The following ADGRL3 variants were observed in gnomAD, a reference collection of about 807,000 sequenced individuals.
ADGRL3 encodes adhesion G protein-coupled receptor L3, also known as calcium-independent alpha-latrotoxin receptor 3.
In ADGRL3, 62 loss-of-function variants were observed where a neutral mutation model predicts 153.5. The ratio of observed to expected loss-of-function variants is 0.40; its 90% CI spans 0.33 to 0.50. The LOEUF (loss-of-function observed/expected upper bound fraction) is 0.50, where lower values mean the gene tolerates loss of function less well. Ranked by LOEUF, ADGRL3 falls within the 20% of genes least tolerant of loss-of-function variation. The probability of loss-of-function intolerance (pLI) is 0.47; values close to 1 mark genes in which losing one functional copy is unlikely to be tolerated. For missense variants in ADGRL3, 1,641 were observed against 1,859.4 expected, an observed-to-expected ratio of 0.88 and a Z score of 2.16; for synonymous variants, 710 against 672.5, an observed-to-expected ratio of 1.06 and a Z score of -0.86.
At chr4:61,291,497 G>C (rs1041737485) in intron 1 of ADGRL3, among the ~76,000 whole-genome samples, 2 of 150,418 alleles carry the variant, frequency 1.3e-5, no homozygotes, top group African/African-American at 2.5e-5. Flanking sequence ...GTGAATTCTG[G>C]TATCCTGGAG....
chr4:62,070,233 C>A lies in ADGRL3; in HGVS notation c.3957C>A (p.Asp1319Glu). 6.2e-7 allele frequency: 1 copy of A among 1,613,654 alleles called. No homozygotes were observed. Among genetic ancestry groups the A allele is most frequent in the Non-Finnish European group, 8.5e-7 (1 of 1,179,854 alleles). ...EYLSNCVQII[D>E]RGYNHNETAL... is the part of the protein sequence containing the mutation. ...TGAGCAACTGTGTGCAAATCATAGA[C>A]CGTGGCTATAACCATAACGAGACCG... The change falls in exon 27 of 27, where the codon GAC (aspartate) becomes GAA (glutamate). Residue 1319 changes from aspartate to glutamate, a missense_variant. By Grantham distance (45) the Asp-to-Glu change is conservative. This residue lies in a region of ADGRL3 where 517 missense variants were observed against 555.0 expected (regional missense o/e 0.93). Coordinates refer to ENST00000683033, the MANE Select transcript of ADGRL3 (RefSeq NM_001387552.1).
At chr4:61,844,575 AATATAT>A (rs57750929) in intron 9 of ADGRL3, among the ~76,000 whole-genome samples, 300 of 18,050 alleles carry the variant, frequency 0.017, 2 homozygotes, top group African/African-American at 0.025. Context: ...AAAAAAAAAA[AATATAT>A]ATATATATAT....
In ADGRL3 at chr4:61,705,252, A is replaced by G. The variant is rs150287162; in HGVS notation, c.584-25370A>G. 5.8e-3 allele frequency among the ~76,000 whole-genome samples: 888 copies of G among 152,190 alleles called. 6 individuals carry two copies. The highest frequency in any genetic ancestry group is 0.02 in the African/African-American group (847 of 41,532). On this transcript the variant is annotated intron_variant, in intron 6 of 26. Transcript: ENST00000683033. ...CATTGAAATTACTCTTTGGTCCATG[A>G]GCTACAGAATGAATATTGTGTTAGC...
chr4:61,885,341 T>C (rs574397775), intron 9 of ADGRL3, among the ~76,000 whole-genome samples: 60 of 152,100 alleles, frequency 3.9e-4, no homozygotes, highest in Middle Eastern at 6.8e-3. Flanking sequence ...AAAATAAAAA[T>C]AAATAAATAA....
At chr4:62,038,766 G>A (rs972161316) in intron 24 of ADGRL3, among the ~76,000 whole-genome samples, 32 of 152,032 alleles carry the variant, frequency 2.1e-4, no homozygotes, top group Admixed American at 9.2e-4. Flanking sequence ...GTGCCACCAC[G>A]CCCAGATAAT....
At chr4:61,554,280 A>G (rs1198257294) in intron 4 of ADGRL3, among the ~76,000 whole-genome samples, 1 of 151,194 alleles carries the variant, frequency 6.6e-6, no homozygotes, top group Non-Finnish European at 1.5e-5. Context: ...TGCAACCTCC[A>G]CCTCCCAGGT....
At chr4:61,550,677 C>T (rs2148803014) in intron 4 of ADGRL3, among the ~76,000 whole-genome samples, 1 of 151,780 alleles carries the variant, frequency 6.6e-6, no homozygotes, top group South Asian at 2.1e-4. Context: ...TATCAGAATA[C>T]TTTGGTGTGG....
intron 2 of ADGRL3, among the ~76,000 whole-genome samples, chr4:61,489,556 A>G (rs1304037602): frequency 2.0e-5 from 3 of 152,046 alleles, no homozygotes; most frequent in Non-Finnish European, 4.4e-5. Flanking sequence ...AAAGTGCTGT[A>G]ATTATCTGGA....
chr4:61,754,306 A>G (rs2096793607), intron 8 of ADGRL3, among the ~76,000 whole-genome samples: 1 of 152,184 alleles, frequency 6.6e-6, no homozygotes, highest in Admixed American at 6.5e-5. Context: ...AATAAGAATA[A>G]TCAACAATAG....
intron 1 of ADGRL3, among the ~76,000 whole-genome samples, chr4:61,337,542 G>A (rs1019086771): frequency 6.6e-6 from 1 of 152,062 alleles, no homozygotes; most frequent in Non-Finnish European, 1.5e-5. Context: ...AAGATCAAGG[G>A]ACTACCTTCC....
intron 4 of ADGRL3, among the ~76,000 whole-genome samples, chr4:61,571,990 A>T (rs1364672177): frequency 2.0e-5 from 3 of 152,212 alleles, no homozygotes; most frequent in Non-Finnish European, 4.4e-5. Context: ...TTGAGCAGAT[A>T]GATAAATAAA....
chr4:61,811,788 G>T (rs933155822), intron 8 of ADGRL3, among the ~76,000 whole-genome samples: 3 of 152,032 alleles, frequency 2.0e-5, no homozygotes, highest in Non-Finnish European at 4.4e-5. Flanking sequence ...GTATTAAAAT[G>T]CACATGTATT....
intron 4 of ADGRL3, among the ~76,000 whole-genome samples, chr4:61,528,613 G>A (rs1382713422): frequency 1.3e-5 from 2 of 152,066 alleles, no homozygotes; most frequent in Non-Finnish European, 2.9e-5. Flanking sequence ...AAATTGAAAG[G>A]CTAAGAGACC....
At chr4:61,279,707 C>T (rs1287415537) in intron 1 of ADGRL3, among the ~76,000 whole-genome samples, 1 of 152,120 alleles carries the variant, frequency 6.6e-6, no homozygotes, top group African/African-American at 2.4e-5. Context: ...TGCTTTTCCT[C>T]CTTGTCCATC....
At chr4:61,396,370 T>C (rs929916144) in intron 2 of ADGRL3, among the ~76,000 whole-genome samples, 3 of 151,928 alleles carry the variant, frequency 2.0e-5, no homozygotes, top group African/African-American at 7.2e-5. Flanking sequence ...AAGAAATTAT[T>C]TACCTTTGTT....
rs886119958 is a variant in ADGRL3 at position 62,074,702 on chromosome 4, A to G, written c.*3794A>G. 10 of 152,100 alleles carry G rather than the reference A, an allele frequency of 6.6e-5. No homozygotes were observed. The highest frequency in any genetic ancestry group is 3.3e-4 in the Admixed American group (5 of 15,262). 9.4% of individuals were successfully genotyped at this position (152,100 alleles called of 1,614,324 possible). A position where few individuals can be genotyped will look rare whatever the true frequency, so the allele number is the denominator to read the frequency against. ...AAGGGAAATATCCTTAACTTCCTGT[A>G]AAAAAAATTCACATTGACTCTAAAT... On this transcript the variant is annotated 3_prime_UTR_variant, in exon 27 of 27. Coordinates refer to ENST00000683033, the MANE Select transcript of ADGRL3 (RefSeq NM_001387552.1).
intron 1 of ADGRL3, among the ~76,000 whole-genome samples, chr4:61,215,473 C>T (rs758759741): frequency 2.7e-5 from 4 of 150,074 alleles, no homozygotes; most frequent in Non-Finnish European, 3.0e-5. Context: ...AATATATTGT[C>T]AAGAGTTGAA....
chr4:61,785,761 C>G (rs1238544593), intron 8 of ADGRL3, among the ~76,000 whole-genome samples: 1 of 152,124 alleles, frequency 6.6e-6, no homozygotes, highest in African/African-American at 2.4e-5. Context: ...TGAGTTTATC[C>G]TTTTTATAGA....
intron 17 of ADGRL3, 109 bp from the exon 18 acceptor site, chr4:61,979,454 G>A (rs1279483891): frequency 2.4e-6 from 2 of 847,216 alleles, no homozygotes; most frequent in African/African-American, 3.3e-5. Context: ...TGGGTATAGA[G>A]GGTATTTTGT....
Sources: gnomAD v4.1 joint callset for allele counts (sites outside exome capture counted in the v4.1 genomes callset) on GRCh38, gnomAD v4.1.1 for gene constraint, gnomAD v4.1.1 regional missense constraint, MANE v1.5 for transcripts, NCBI Gene and HGNC (gene_info 2026-07-23, HGNC 2026-07-21) for gene names.